LRRC4C: variants seen among roughly 807,000 people sequenced by gnomAD.
LRRC4C encodes leucine-rich repeat-containing protein 4C.
Under a neutral mutation model 33.6 loss-of-function variants are expected in LRRC4C, and 5 were observed. The ratio of observed to expected loss-of-function variants is 0.15; its 90% confidence interval spans 0.08 to 0.31. The LOEUF (loss-of-function observed/expected upper bound fraction) is 0.31. LRRC4C is among the 10% of genes least tolerant of loss of function. LRRC4C has a pLI of 1.00. For synonymous variants in LRRC4C, 329 were observed against 302.0 expected (o/e 1.09, Z -0.93); for missense variants, 560 against 796.7 (o/e 0.70, Z 3.58).
chr11:41,067,853 C>T (rs1938370595), intron 1 of LRRC4C, among the ~76,000 whole-genome samples: 1 of 152,056 alleles, frequency 6.6e-6, no homozygotes. Context: ...TTCTTTGAAA[C>T]CAATGAGAAC....
Position 40,115,715 on chromosome 11 carries a change from A to C in LRRC4C, c.578T>G (p.Phe193Cys). ...ATACCTCAAGTTGGACAGACCTTCA[A>C]AGGCACCTTCTGAGATGTATGAAAG... ...KRLSYISEGA[F>C]EGLSNLRYLN... Residue 193 changes from phenylalanine (F) to cysteine (C), a missense_variant, in exon 7 of 7, where the codon TTT (phenylalanine) becomes TGT (cysteine). Physicochemically the swap from Phe to Cys is radical, Grantham distance 205. Around this residue, in one of 3 missense-constraint regions of LRRC4C, gnomAD observed 455 missense variants for 643.8 expected, o/e 0.71. Transcript: ENST00000528697. This position sits in a 1 kb window ranked among gnomAD's most constrained non-coding sequence, Gnocchi z 6.7. 1 of 1,614,186 alleles carries C rather than the reference A, an allele frequency of 6.2e-7. No homozygotes were observed. The highest frequency in any genetic ancestry group is 8.5e-7 in the Non-Finnish European group (1 of 1,180,030).
chr11:40,906,368 G>A (rs1045891261), intron 2 of LRRC4C, among the ~76,000 whole-genome samples: 1 of 152,012 alleles, frequency 6.6e-6, no homozygotes, highest in Non-Finnish European at 1.5e-5. Context: ...AAAATTAGTT[G>A]GGCATGGTGC....
chr11:40,987,626 TA>T lies in LRRC4C; in HGVS notation c.-495-53904del, dbSNP rs201483453. ...GAAGGGCTCTGCAGGTACAAGTGGG[TA>T]ATGATATATATATATATATATATAT... is the stretch of plus-strand genomic sequence containing the variant. On this transcript the variant is annotated intron_variant, in intron 1 of 6. Coordinates refer to ENST00000528697, the MANE Select transcript of LRRC4C (RefSeq NM_001258419.2). 1.7e-3 allele frequency among the ~76,000 whole-genome samples: 176 copies of T among 102,700 alleles called. 5 individuals are homozygous for T. Among genetic ancestry groups the T allele is most frequent in the East Asian group, 0.011 (43 of 3,782 alleles). The allele number at this position is 102,700 out of a possible 152,430, so 67.4% of individuals were successfully genotyped here. A position where few individuals can be genotyped will look rare whatever the true frequency, so the allele number is the denominator to read the frequency against.
intron 2 of LRRC4C, among the ~76,000 whole-genome samples, chr11:40,797,226 C>T (rs1277313690): frequency 6.6e-6 from 1 of 152,018 alleles, no homozygotes; most frequent in Non-Finnish European, 1.5e-5. Context: ...AAGAAAGATA[C>T]AGATATCTCT....
chr11:41,043,888 C>T lies in LRRC4C; in HGVS notation c.-495-110165G>A, dbSNP rs117001428. Among the ~76,000 whole-genome samples, 453 of 152,120 alleles carry T rather than the reference C, an allele frequency of 3.0e-3. 4 individuals carry two copies. The highest frequency in any genetic ancestry group is 7.9e-3 in the South Asian group (38 of 4,796). On this transcript the variant is annotated intron_variant, in intron 1 of 6. Coordinates refer to ENST00000528697, the MANE Select transcript of LRRC4C (RefSeq NM_001258419.2). ...CTCATTTCTCACCTGAACTCCACAA[C>T]CACCAAGAATGATGGATAAGGTATT...
intron 1 of LRRC4C, among the ~76,000 whole-genome samples, chr11:41,153,986 C>T (rs925958252): frequency 2.0e-5 from 3 of 151,956 alleles, no homozygotes; most frequent in South Asian, 4.1e-4. Context: ...AGTCAAGCAA[C>T]GTAGACAGTT....
At chr11:40,981,084 G>C (rs1264429338) in intron 1 of LRRC4C, among the ~76,000 whole-genome samples, 1 of 152,130 alleles carries the variant, frequency 6.6e-6, no homozygotes, top group Non-Finnish European at 1.5e-5. Context: ...GGGTATGGGG[G>C]CTGGGATTCA....
intron 5 of LRRC4C, among the ~76,000 whole-genome samples, chr11:40,164,784 T>C (rs982713648): frequency 2.6e-5 from 4 of 152,092 alleles, no homozygotes; most frequent in African/African-American, 9.7e-5. Context: ...GTGAAAAATG[T>C]TTGAGGTGAT....
At chr11:41,064,179 T>C (rs1307642965) in intron 1 of LRRC4C, among the ~76,000 whole-genome samples, 1 of 152,248 alleles carries the variant, frequency 6.6e-6, no homozygotes, top group East Asian at 1.9e-4. Flanking sequence ...GGTACCACTT[T>C]GTAATGTAGT....
At chr11:40,181,256 T>C (rs889749879) in intron 5 of LRRC4C, among the ~76,000 whole-genome samples, 17 of 152,166 alleles carry the variant, frequency 1.1e-4, no homozygotes, top group Middle Eastern at 3.4e-3. Context: ...TTGAGTACCA[T>C]GCATAACACC....
At chr11:40,258,616 C>CA (rs1867420833) in intron 4 of LRRC4C, among the ~76,000 whole-genome samples, 1 of 152,126 alleles carries the variant, frequency 6.6e-6, no homozygotes, top group African/African-American at 2.4e-5. Context: ...TGGAAAATAG[C>CA]AAAAATCCCA....
intron 3 of LRRC4C, among the ~76,000 whole-genome samples, chr11:40,459,286 A>G (rs1952278171): frequency 6.6e-6 from 1 of 152,154 alleles, no homozygotes; most frequent in Non-Finnish European, 1.5e-5. Context: ...TGGAAGCAGT[A>G]TGCAATTTAT....
At chr11:40,911,645 T>A (rs1956695957) in intron 2 of LRRC4C, among the ~76,000 whole-genome samples, 1 of 152,290 alleles carries the variant, frequency 6.6e-6, no homozygotes, top group Middle Eastern at 3.4e-3. Context: ...GAGCCTCTCT[T>A]CCTCCAAAGG....
At chr11:41,413,356 G>T (rs1352830111) in intron 1 of LRRC4C, among the ~76,000 whole-genome samples, 2 of 152,176 alleles carry the variant, frequency 1.3e-5, no homozygotes, top group African/African-American at 4.8e-5. Flanking sequence ...AATTATGGGA[G>T]TTGGTCTAAG....
chr11:40,424,277 C>T (rs1386304691), intron 3 of LRRC4C, among the ~76,000 whole-genome samples: 2 of 152,154 alleles, frequency 1.3e-5, no homozygotes. Context: ...TTGATGAAAG[C>T]AGAGCTATAA....
intron 3 of LRRC4C, among the ~76,000 whole-genome samples, chr11:40,477,916 G>A (rs544323281): frequency 6.6e-6 from 1 of 151,376 alleles, no homozygotes; most frequent in Non-Finnish European, 1.5e-5. Context: ...AATCATGGGG[G>A]CAGGTCTTTT....
intron 1 of LRRC4C, among the ~76,000 whole-genome samples, chr11:40,967,157 A>G (rs962834383): frequency 6.6e-6 from 1 of 152,052 alleles, no homozygotes; most frequent in South Asian, 2.1e-4. Flanking sequence ...AGAGAAAAGG[A>G]AAGAAGGAAG....
intron 1 of LRRC4C, among the ~76,000 whole-genome samples, chr11:41,172,790 T>G (rs962722876): frequency 6.6e-6 from 1 of 152,200 alleles, no homozygotes; most frequent in Admixed American, 6.6e-5. Context: ...AATAAGTGAT[T>G]AATGCAATTG....
intron 3 of LRRC4C, among the ~76,000 whole-genome samples, chr11:40,577,332 G>A (rs180928988): frequency 2.4e-4 from 36 of 152,248 alleles, no homozygotes; most frequent in South Asian, 1.0e-3. Flanking sequence ...GCACAATACA[G>A]ACTGGAGAGA....
Sources: allele counts gnomAD v4.1 joint callset (sites outside exome capture counted in the v4.1 genomes callset), GRCh38; gene constraint gnomAD v4.1.1; regional missense constraint gnomAD v4.1.1; non-coding constraint Gnocchi (gnomAD v3.1); transcripts MANE v1.5; gene names NCBI Gene and HGNC (gene_info 2026-07-23, HGNC 2026-07-21).